MPP4: variants seen among roughly 807,000 people sequenced by gnomAD.
The protein encoded by MPP4 is MAGUK p55 scaffold protein 4.
MPP4 carries 91 observed loss-of-function variants against 98.3 expected under a neutral mutation model. That is an observed-to-expected ratio of 0.93 (90% CI 0.78 to 1.10). The LOEUF is 1.10. Among genes scored for constraint, MPP4 ranks in the 50% least tolerant of loss-of-function variants. MPP4 has a pLI of 0.00. For synonymous variants in MPP4, 261 were observed against 271.8 expected (o/e 0.96, Z 0.39); for missense variants, 744 against 792.9 (o/e 0.94, Z 0.74).
chr2:201,658,042 G>A lies in MPP4; in HGVS notation c.1129+435C>T, dbSNP rs575022011. 1.5e-4 allele frequency among the ~76,000 whole-genome samples: 23 copies of A among 150,504 alleles called. No individual in the cohort carries two copies. The South Asian group carries it at 2.1e-3, about 14-fold the overall frequency. On this transcript the variant is annotated intron_variant, in intron 16 of 21. Transcript: ENST00000409474. ...TGGGAACCAACCTTCTAGACCCTGC[G>A]GCTCTGCTAGTTTTCCCCTGCCTCC...
intron 11 of MPP4, 97 bp from the exon 12 acceptor site, chr2:201,669,847 GC>G: frequency 5.1e-6 from 5 of 985,550 alleles, no homozygotes; most frequent in Non-Finnish European, 6.7e-6. Context: ...AATGTAATGT[GC>G]AAAAATTATT....
chr2:201,687,678 T>G (rs1688879572), intron 4 of MPP4, among the ~76,000 whole-genome samples: 1 of 152,224 alleles, frequency 6.6e-6, no homozygotes, highest in Non-Finnish European at 1.5e-5. Context: ...ACCAAGGCAC[T>G]TTTCCTCTAG....
intron 9 of MPP4, 32 bp from the exon 10 acceptor site, chr2:201,681,066 A>T (rs771263718): frequency 1.9e-6 from 3 of 1,595,418 alleles, no homozygotes; most frequent in Non-Finnish European, 2.6e-6. Flanking sequence ...CGCTATCAGA[A>T]GGTGCCTAAT....
intron 3 of MPP4, 131 bp from the exon 4 acceptor site, chr2:201,690,410 G>A (rs534893306): frequency 7.1e-5 from 37 of 519,696 alleles, no homozygotes; most frequent in Non-Finnish European, 1.1e-4. Context: ...TGTGGTTGGT[G>A]TTTAGTAAGT....
At chr2:201,687,409 A>C (rs1453335238) in intron 4 of MPP4, 38 bp from the exon 5 acceptor site, 1 of 1,504,978 alleles carries the variant, frequency 6.6e-7, no homozygotes, top group Non-Finnish European at 9.0e-7. Context: ...AAAATTTTAA[A>C]AAATCTTTAT....
chr2:201,695,443 A>G (rs545287784), intron 1 of MPP4, among the ~76,000 whole-genome samples: 75 of 152,312 alleles, frequency 4.9e-4, no homozygotes, highest in African/African-American at 1.4e-3. Flanking sequence ...ATCTGAATCC[A>G]GACGCCAACT....
In MPP4 at chr2:201,675,209, AG is replaced by A. The variant is rs1457627629; in HGVS notation, c.991del (p.Leu331TyrfsTer11). ...YQPHTCLKST[L>X]SISMEEEDDM... The stretch of plus-strand genomic sequence containing the variant: ...TGTCGGGCAGTTGCAATACTCACAT[AG>A]GGTTGACTTGAGGCAGGTGTGAGGC... On this transcript the variant is annotated frameshift_variant, in exon 11 of 22. Transcript: ENST00000409474. LOFTEE classifies it high-confidence loss of function. 2 of 1,606,752 alleles carry A rather than the reference AG, an allele frequency of 1.2e-6. No individual in the cohort carries two copies. The highest frequency in any genetic ancestry group is 8.5e-7 in the Non-Finnish European group (1 of 1,176,694).
Position 201,687,277 on chromosome 2 carries a change from T to C in MPP4, c.360+14A>G. On this transcript the variant is annotated intron_variant, in intron 5 of 21. Coordinates refer to ENST00000409474, the MANE Select transcript of MPP4 (RefSeq NM_033066.3). The stretch of plus-strand genomic sequence containing the variant: ...CCAGATGGGGACATCTTTTCTATTT[T>C]AGCAGGCACTTGCCTTGAAGTGTGG... 6.4e-7 allele frequency: 1 copy of C among 1,562,248 alleles called. No homozygotes were observed. The highest frequency in any genetic ancestry group is 8.7e-7 in the Non-Finnish European group (1 of 1,151,344).
Position 201,682,824 on chromosome 2 carries a change from G to C in MPP4, c.660+7C>G. 6.2e-7 allele frequency: 1 copy of C among 1,612,938 alleles called. No homozygotes were observed. Among genetic ancestry groups the C allele is most frequent in the Non-Finnish European group, 8.5e-7 (1 of 1,179,148 alleles). On this transcript the variant is annotated splice_region_variant and intron_variant, in intron 8 of 21. Coordinates refer to ENST00000409474, the MANE Select transcript of MPP4 (RefSeq NM_033066.3). ...GTCATTAACAAAAAGGCAAAAAGAA[G>C]ATTTACCAGAATATGGATCACTTGT... is the stretch of plus-strand genomic sequence containing the variant.
At chr2:201,663,809 G>A (rs1193448707) in intron 14 of MPP4, among the ~76,000 whole-genome samples, 1 of 152,108 alleles carries the variant, frequency 6.6e-6, no homozygotes, top group Non-Finnish European at 1.5e-5. Context: ...TTGAGCTCAG[G>A]AATTCGAGGC....
At chr2:201,671,361 G>C (rs1688339061) in intron 11 of MPP4, among the ~76,000 whole-genome samples, 1 of 151,850 alleles carries the variant, frequency 6.6e-6, no homozygotes, top group Non-Finnish European at 1.5e-5. Flanking sequence ...AGTTGACCTG[G>C]GACACTCCAG....
At chr2:201,693,495 T>C (rs1045207847) in intron 2 of MPP4, among the ~76,000 whole-genome samples, 1 of 152,142 alleles carries the variant, frequency 6.6e-6, no homozygotes, top group East Asian at 1.9e-4. Flanking sequence ...TAACTCCCAA[T>C]AGATTTAATG....
At chr2:201,698,452 G>T in intron 1 of MPP4, 135 bp downstream of exon 1, 1 of 557,916 alleles carries the variant, frequency 1.8e-6, no homozygotes, top group Non-Finnish European at 2.9e-6. Flanking sequence ...CATATCATTT[G>T]AGTTAAAATG....
chr2:201,674,569 A>G (rs1029279623), intron 11 of MPP4, among the ~76,000 whole-genome samples: 2 of 152,130 alleles, frequency 1.3e-5, no homozygotes, highest in African/African-American at 4.8e-5. Context: ...AGTGGGGGAG[A>G]TCTGATCTAG....
chr2:201,676,538 A>G (rs1688510700), intron 10 of MPP4, among the ~76,000 whole-genome samples: 1 of 152,256 alleles, frequency 6.6e-6, no homozygotes. Context: ...TAGCATGGAC[A>G]TGCAGGGCAT....
intron 18 of MPP4, 109 bp downstream of exon 18, chr2:201,654,728 C>G (rs1447292801): frequency 1.6e-6 from 1 of 614,906 alleles, no homozygotes. Flanking sequence ...AAGAACTATC[C>G]CTGGTGTTGT....
intron 11 of MPP4, among the ~76,000 whole-genome samples, chr2:201,670,616 AT>A (rs533715083): frequency 7.0e-4 from 106 of 152,380 alleles, no homozygotes; most frequent in African/African-American, 2.2e-3. Context: ...TCAGATGCTG[AT>A]TAGAAACTGT....
At chr2:201,652,182 G>C (rs1414744060) in intron 18 of MPP4, 1 of 183,002 alleles carries the variant, frequency 5.5e-6, no homozygotes, top group Non-Finnish European at 1.0e-5. Context: ...TTCCTGGCCG[G>C]GTGTGGTGGC....
At chr2:201,683,914 C>T (rs528117274) in intron 7 of MPP4, among the ~76,000 whole-genome samples, 42 of 152,000 alleles carry the variant, frequency 2.8e-4, no homozygotes, top group Admixed American at 1.4e-3. Flanking sequence ...GGTATAGAAC[C>T]ACTCATTTCA....
Sources: allele counts gnomAD v4.1 joint callset (sites outside exome capture counted in the v4.1 genomes callset), GRCh38; gene constraint gnomAD v4.1.1; transcripts MANE v1.5; gene names NCBI Gene and HGNC (gene_info 2026-07-23, HGNC 2026-07-21).